The following TRPM1 variants were observed in gnomAD, a reference collection of about 807,000 sequenced individuals.
TRPM1 encodes TRPM1-203 APA Isoform, Intron 10.
In TRPM1, 113 loss-of-function variants were observed where a neutral mutation model predicts 149.4. The ratio of observed to expected loss-of-function variants is 0.76; its 90% CI spans 0.65 to 0.88. TRPM1 has a LOEUF of 0.88. Ranked by LOEUF, TRPM1 falls within the 40% of genes least tolerant of loss-of-function variation. The pLI is 0.00. For synonymous variants in TRPM1, 741 were observed against 759.5 expected, an observed-to-expected ratio of 0.98 and a Z score of 0.40; for missense variants, 1,976 against 2,038.7, an observed-to-expected ratio of 0.97 and a Z score of 0.59.
intron 1 of TRPM1, among the ~76,000 whole-genome samples, chr15:31,151,779 C>G (rs2036307523): frequency 6.6e-6 from 1 of 152,264 alleles, no homozygotes; most frequent in Non-Finnish European, 1.5e-5. Context: ...ACACTGTCTT[C>G]TCTGGCTCTC....
chr15:31,153,291 C>T (rs2036326996), intron 1 of TRPM1, among the ~76,000 whole-genome samples: 1 of 152,208 alleles, frequency 6.6e-6, no homozygotes, highest in African/African-American at 2.4e-5. Context: ...GGTCTCCCAA[C>T]TCTTATTTTA....
At chr15:31,114,397 A>AT (rs2035770205) in intron 1 of TRPM1, among the ~76,000 whole-genome samples, 1 of 152,174 alleles carries the variant, frequency 6.6e-6, no homozygotes, top group South Asian at 2.1e-4. Context: ...TATGTACCAC[A>AT]TGTTTTATCC....
At chr15:31,127,735 G>A (rs1018638316) in intron 1 of TRPM1, among the ~76,000 whole-genome samples, 1 of 152,190 alleles carries the variant, frequency 6.6e-6, no homozygotes, top group Non-Finnish European at 1.5e-5. Context: ...GGTGGAAGGG[G>A]TGGAGGGTGA....
chr15:31,050,608 G>A, intron 11 of TRPM1, 26 bp from the exon 12 acceptor site: 1 of 1,613,754 alleles, frequency 6.2e-7, no homozygotes, highest in Non-Finnish European at 8.5e-7. Context: ...ATCAGAGTTG[G>A]GAAATGGTAC....
At chr15:31,143,178 T>C (rs572674166) in intron 1 of TRPM1, among the ~76,000 whole-genome samples, 121 of 152,214 alleles carry the variant, frequency 7.9e-4, no homozygotes, top group Non-Finnish European at 1.5e-3. Context: ...CTAACAAGTA[T>C]AGGCTTCCGA....
intron 27 of TRPM1, among the ~76,000 whole-genome samples, chr15:31,024,657 C>A (rs1431757493): frequency 6.6e-6 from 1 of 152,002 alleles, no homozygotes; most frequent in African/African-American, 2.4e-5. Flanking sequence ...CAAGGAATGC[C>A]GGGGAAGGGA....
chr15:31,105,711 T>C (rs1290136951), upstream of TRPM1, among the ~76,000 whole-genome samples: 1 of 152,218 alleles, frequency 6.6e-6, no homozygotes, highest in Non-Finnish European at 1.5e-5. Context: ...AAAGACTGTT[T>C]TGTTGTTCTT....
At chr15:31,036,611 C>T (rs1322753719) in intron 20 of TRPM1, among the ~76,000 whole-genome samples, 1 of 152,188 alleles carries the variant, frequency 6.6e-6, no homozygotes, top group Non-Finnish European at 1.5e-5. Flanking sequence ...ACTCCACCCT[C>T]CACCCGATCC....
intron 3 of TRPM1, among the ~76,000 whole-genome samples, chr15:31,071,919 G>A (rs553252671): frequency 6.3e-4 from 91 of 144,316 alleles, no homozygotes; most frequent in African/African-American, 2.2e-3. Flanking sequence ...AGCCGGGATC[G>A]TGGCACTGCA....
intron 11 of TRPM1, among the ~76,000 whole-genome samples, chr15:31,052,738 G>T (rs2033980033): frequency 6.6e-6 from 1 of 152,184 alleles, no homozygotes; most frequent in Non-Finnish European, 1.5e-5. Context: ...TCGTGCCGTT[G>T]CACTCCAGCC....
At chr15:31,071,947 G>C (rs2034550813) in intron 3 of TRPM1, among the ~76,000 whole-genome samples, 1 of 120,840 alleles carries the variant, frequency 8.3e-6, no homozygotes, top group African/African-American at 3.2e-5. Flanking sequence ...GTGGTTGACA[G>C]AGTGAGACTC....
rs2033473874 is a variant in TRPM1, at chr15:31,037,986, TCAA to T, written c.2439+55_2439+57del. 4.3e-6 allele frequency: 7 copies of T among 1,613,262 alleles called. No homozygotes were observed. The Admixed American group carries it at 1.0e-4, about 23-fold the overall frequency. On this transcript the variant is annotated intron_variant, in intron 19 of 27. Transcript: ENST00000256552. ...TTCTCAATCTGTGGTACAAGAAATC[TCAA>T]CAATTTTGAAAACAAGATTACACTG...
chr15:31,135,276 G>A (rs1291979747), intron 1 of TRPM1, among the ~76,000 whole-genome samples: 1 of 152,026 alleles, frequency 6.6e-6, no homozygotes, highest in Non-Finnish European at 1.5e-5. Context: ...ATTATGGAAG[G>A]TTACACACCA....
rs749674498 is a variant in TRPM1 at position 31,060,417 on chromosome 15, A to G, written c.1263+127T>C. The G allele has an allele frequency of 4.8e-4, 384 of 802,262 alleles. 3 individuals are homozygous for G. Among genetic ancestry groups the G allele is most frequent in the Non-Finnish European group, 1.3e-4 (63 of 469,796 alleles). 49.7% of individuals were successfully genotyped at this position (802,262 alleles called of 1,614,324 possible). ...TGACATCTTCTAATGAGCCTAATAG[A>G]TTACATATCATATCATCAGAAACCC... On this transcript the variant is annotated intron_variant, in intron 11 of 27. Coordinates refer to ENST00000256552, the MANE Select transcript of TRPM1 (RefSeq NM_001252024.2).
intron 1 of TRPM1, among the ~76,000 whole-genome samples, chr15:31,084,428 T>C (rs757377994): frequency 5.9e-5 from 9 of 152,108 alleles, no homozygotes; most frequent in Non-Finnish European, 1.3e-4. Flanking sequence ...GATTTGCCTA[T>C]TCTGGGCACT....
intron 13 of TRPM1, 82 bp downstream of exon 13, chr15:31,049,293 A>C (rs930687465): frequency 6.2e-7 from 1 of 1,601,728 alleles, no homozygotes; most frequent in Non-Finnish European, 8.5e-7. Flanking sequence ...TCAGATGAGC[A>C]CATTTATGCA....
intron 27 of TRPM1, among the ~76,000 whole-genome samples, chr15:31,017,414 G>A (rs751468696): frequency 6.6e-6 from 1 of 152,182 alleles, no homozygotes; most frequent in East Asian, 1.9e-4. Flanking sequence ...AACAAAAGCT[G>A]TTTCTGATTA....
intron 1 of TRPM1, among the ~76,000 whole-genome samples, chr15:31,157,225 T>C (rs907065469): frequency 6.6e-6 from 1 of 152,230 alleles, no homozygotes; most frequent in Non-Finnish European, 1.5e-5. Flanking sequence ...TGGCTTATTT[T>C]TTAATCCAGC....
In TRPM1 at chr15:31,113,861, GCT is replaced by G. The variant is rs2035758270; in HGVS notation, c.55-36879_55-36878del. Among the ~76,000 whole-genome samples, 7 of 151,590 alleles carry G rather than the reference GCT, an allele frequency of 4.6e-5. No homozygotes were observed. In the South Asian group the frequency reaches 1.5e-3, roughly 32 times the overall value. On this transcript the variant is annotated intron_variant, in intron 1 of 26. Transcript: ENST00000542188. ...CAGCAAAACAACGACGCTCCCACAC[GCT>G]GGAAGGGTACCGAGCAAATTGACTT...
Sources: allele counts gnomAD v4.1 joint callset (sites outside exome capture counted in the v4.1 genomes callset), GRCh38; gene constraint gnomAD v4.1.1; transcripts MANE v1.5; gene names NCBI Gene and HGNC (gene_info 2026-07-23, HGNC 2026-07-21).